Variants in CIAPIN1 observed in about 807,000 individuals in gnomAD.
CIAPIN1 encodes cytokine induced apoptosis inhibitor 1, also known as anamorsin.
In CIAPIN1, 18 loss-of-function variants were observed where a neutral mutation model predicts 34.3. The observed-to-expected ratio is 0.52, with a 90% confidence interval of 0.36 to 0.78. CIAPIN1 has a LOEUF of 0.78. Ranked by LOEUF, CIAPIN1 falls within the 30% of genes least tolerant of loss-of-function variation. CIAPIN1 has a pLI of 0.00. For synonymous variants in CIAPIN1, 131 were observed against 140.4 expected, an observed-to-expected ratio of 0.93 and a Z score of 0.47; for missense variants, 310 against 372.5, an observed-to-expected ratio of 0.83 and a Z score of 1.38.
At chr16:57,442,433 G>A (rs1282886963) in intron 1 of CIAPIN1, among the ~76,000 whole-genome samples, 1 of 151,944 alleles carries the variant, frequency 6.6e-6, no homozygotes, top group African/African-American at 2.4e-5. Flanking sequence ...AGGCGAGGCA[G>A]GTGGATCCCT....
intron 1 of CIAPIN1, among the ~76,000 whole-genome samples, chr16:57,446,158 G>A (rs1471821265): frequency 6.6e-6 from 1 of 152,070 alleles, no homozygotes; most frequent in Non-Finnish European, 1.5e-5. Context: ...TTTAAAAAGT[G>A]AGAATCAACA....
At chr16:57,433,713 C>G (rs1598023353) in intron 5 of CIAPIN1, 2 of 339,738 alleles carry the variant, frequency 5.9e-6, no homozygotes, top group African/African-American at 2.1e-5. Context: ...TACCACTACA[C>G]TGTGAGGTCT....
At chr16:57,437,342 T>C (rs1391665351) in intron 3 of CIAPIN1, among the ~76,000 whole-genome samples, 3 of 152,104 alleles carry the variant, frequency 2.0e-5, no homozygotes, top group African/African-American at 4.8e-5. Flanking sequence ...TCTGCCCAAC[T>C]GTAGGCTAAC....
chr16:57,441,972 G>A (rs1371644530), intron 1 of CIAPIN1, among the ~76,000 whole-genome samples: 7 of 152,190 alleles, frequency 4.6e-5, no homozygotes, highest in African/African-American at 1.7e-4. Context: ...TTCTGCAGAG[G>A]TGGCCAACTC....
rs1311355266 is a variant in CIAPIN1, at chr16:57,439,272, G to T, written c.220C>A (p.Leu74Met). 1 of 1,614,190 alleles carries T rather than the reference G, an allele frequency of 6.2e-7. No homozygotes were observed. The highest frequency in any genetic ancestry group is 8.5e-7 in the Non-Finnish European group (1 of 1,180,028). ...TCAGCCAAAATCTCAGCACTGTGCA[G>T]AGTGGTGCTTCCTGGGACTAAACCT... ...LSGLVPGSTT[L>M]HSAEILAEIA... Residue 74 changes from leucine to methionine, a missense_variant, in exon 3 of 9, where the codon CTG (leucine) becomes ATG (methionine). Coordinates refer to ENST00000394391, the MANE Select transcript of CIAPIN1 (RefSeq NM_020313.4).
intron 5 of CIAPIN1, among the ~76,000 whole-genome samples, chr16:57,433,288 T>C (rs1254921576): frequency 1.3e-5 from 2 of 152,226 alleles, no homozygotes; most frequent in East Asian, 3.9e-4. Context: ...TAGTGATCAT[T>C]GTCACAGCTG....
intron 1 of CIAPIN1, among the ~76,000 whole-genome samples, chr16:57,444,257 A>T (rs564229236): frequency 6.6e-6 from 1 of 152,336 alleles, no homozygotes; most frequent in Admixed American, 6.5e-5. Flanking sequence ...TTTTCTCATC[A>T]GTAAAGTAGG....
intron 4 of CIAPIN1, among the ~76,000 whole-genome samples, chr16:57,435,223 G>T (rs1459451592): frequency 7.2e-5 from 11 of 152,100 alleles, no homozygotes; most frequent in African/African-American, 2.4e-4. Flanking sequence ...TCCTGCTTTT[G>T]CCATGTGATG....
At chr16:57,443,128 G>GTTT (rs1324392369) in intron 1 of CIAPIN1, among the ~76,000 whole-genome samples, 27 of 140,110 alleles carry the variant, frequency 1.9e-4, no homozygotes, top group African/African-American at 6.8e-4. Context: ...AATAATTCTG[G>GTTT]TTTTGTTTTT....
intron 6 of CIAPIN1, 173 bp from the exon 7 acceptor site, chr16:57,431,439 C>A: frequency 2.0e-6 from 1 of 498,934 alleles, no homozygotes; most frequent in Non-Finnish European, 3.6e-6. Context: ...AAGAGGCCAA[C>A]GGTGAGTTAA....
At chr16:57,432,149 G>A (rs1903101924) in intron 6 of CIAPIN1, among the ~76,000 whole-genome samples, 1 of 152,136 alleles carries the variant, frequency 6.6e-6, no homozygotes. Flanking sequence ...CCCCGTCTCT[G>A]CTAAAAACGC....
chr16:57,440,487 C>T (rs1469971372), intron 2 of CIAPIN1, among the ~76,000 whole-genome samples: 2 of 152,170 alleles, frequency 1.3e-5, no homozygotes, highest in African/African-American at 4.8e-5. Context: ...AACCCGCCGA[C>T]ATGTGATGTC....
intron 1 of CIAPIN1, 27 bp from the exon 2 acceptor site, chr16:57,441,010 T>C (rs1291779462): frequency 7.1e-7 from 1 of 1,415,504 alleles, no homozygotes; most frequent in Non-Finnish European, 9.7e-7. Flanking sequence ...TGCAATTTAA[T>C]CTGTGAGATA....
At position 57,428,355 on chromosome 16, in the gene CIAPIN1, T is replaced by TTTAGA. The variant is rs1178942619; in HGVS notation, c.*814_*815insTCTAA. 2.6e-5 allele frequency: 4 copies of TTTAGA among 152,212 alleles called. No homozygotes were observed. The highest frequency in any genetic ancestry group is 4.4e-5 in the Non-Finnish European group (3 of 68,050). The allele number at this position is 152,212 out of a possible 1,614,324, so 9.4% of individuals were successfully genotyped here. On this transcript the variant is annotated 3_prime_UTR_variant, in exon 9 of 9. Coordinates refer to ENST00000394391, the MANE Select transcript of CIAPIN1 (RefSeq NM_020313.4). ...CGTATTGTCGTTCAGAGTTCTGCCC[T>TTTAGA]GCTTCCCTCTAAATGCTCACCAACC...
intron 1 of CIAPIN1, among the ~76,000 whole-genome samples, chr16:57,445,821 T>C (rs1272326125): frequency 1.5e-5 from 2 of 137,458 alleles, no homozygotes; most frequent in Non-Finnish European, 3.1e-5. Context: ...ACACTTAGAC[T>C]AAGACCTTAG....
chr16:57,445,706 A>C (rs1319665355), intron 1 of CIAPIN1, among the ~76,000 whole-genome samples: 3 of 152,152 alleles, frequency 2.0e-5, no homozygotes, highest in African/African-American at 7.2e-5. Context: ...AGGCACAATT[A>C]CAACCTGCAA....
At chr16:57,445,993 C>T (rs1433161237) in intron 1 of CIAPIN1, among the ~76,000 whole-genome samples, 1 of 151,738 alleles carries the variant, frequency 6.6e-6, no homozygotes, top group African/African-American at 2.4e-5. Flanking sequence ...TTACAGGCAC[C>T]CACCACCACA....
At chr16:57,440,065 C>A (rs1903292733) in intron 2 of CIAPIN1, among the ~76,000 whole-genome samples, 1 of 152,148 alleles carries the variant, frequency 6.6e-6, no homozygotes, top group Non-Finnish European at 1.5e-5. Context: ...CAGCAAGGAA[C>A]AGCCCTGAGA....
intron 7 of CIAPIN1, 124 bp from the exon 8 acceptor site, chr16:57,430,463 T>C (rs1475448442): frequency 1.2e-6 from 1 of 815,502 alleles, no homozygotes; most frequent in Non-Finnish European, 2.0e-6. Context: ...CAGAAGCCTA[T>C]AGGCCAGGCA....
Sources: allele counts gnomAD v4.1 joint callset (sites outside exome capture counted in the v4.1 genomes callset), GRCh38; gene constraint gnomAD v4.1.1; transcripts MANE v1.5; gene names NCBI Gene and HGNC (gene_info 2026-07-23, HGNC 2026-07-21).